The following DYNC1I1 variants were observed in gnomAD, a reference collection of about 807,000 sequenced individuals.
The protein encoded by DYNC1I1 is cytoplasmic dynein 1 intermediate chain 1.
DYNC1I1 carries 43 observed loss-of-function variants against 86.6 expected under a neutral mutation model. The observed-to-expected ratio is 0.50, with a 90% CI of 0.39 to 0.64. The LOEUF is 0.64. Ranked by LOEUF, DYNC1I1 falls within the 30% of genes least tolerant of loss-of-function variation. The pLI is 0.00. For missense variants in DYNC1I1, 604 were observed against 788.8 expected (o/e 0.77, Z 2.81); for synonymous variants, 262 against 283.7 (o/e 0.92, Z 0.77).
intron 6 of DYNC1I1, among the ~76,000 whole-genome samples, chr7:95,889,796 C>A (rs965151838): frequency 9.2e-5 from 14 of 152,170 alleles, no homozygotes; most frequent in Non-Finnish European, 2.1e-4. Flanking sequence ...CATGAATAGA[C>A]ACTTTTCAAA....
intron 1 of DYNC1I1, among the ~76,000 whole-genome samples, chr7:95,778,469 A>T (rs1793902662): frequency 6.6e-6 from 1 of 152,154 alleles, no homozygotes; most frequent in Non-Finnish European, 1.5e-5. Context: ...AGTCAGGCCC[A>T]TTGCCTTTTG....
chr7:96,013,537 A>C (rs752297061), intron 10 of DYNC1I1, among the ~76,000 whole-genome samples: 1 of 152,068 alleles, frequency 6.6e-6, no homozygotes, highest in Non-Finnish European at 1.5e-5. Context: ...CAGCTCACTG[A>C]AGCCTCAACC....
chr7:95,946,007 A>G (rs1304346024), intron 6 of DYNC1I1, among the ~76,000 whole-genome samples: 1 of 152,156 alleles, frequency 6.6e-6, no homozygotes, highest in Non-Finnish European at 1.5e-5. Context: ...TTGCAGGGAC[A>G]TGGATGGAGC....
chr7:95,922,057 C>T (rs558773962), intron 6 of DYNC1I1, among the ~76,000 whole-genome samples: 6 of 152,202 alleles, frequency 3.9e-5, no homozygotes, highest in East Asian at 1.9e-4. Flanking sequence ...CAAGTGCAAT[C>T]AAAGAATTTT....
At chr7:95,966,728 A>C (rs1315534999) in intron 6 of DYNC1I1, among the ~76,000 whole-genome samples, 2 of 152,216 alleles carry the variant, frequency 1.3e-5, no homozygotes, top group Non-Finnish European at 2.9e-5. Flanking sequence ...ACTGATAGAC[A>C]TGAAGGATTC....
intron 1 of DYNC1I1, among the ~76,000 whole-genome samples, chr7:95,799,594 T>C (rs954561879): frequency 2.6e-5 from 4 of 151,834 alleles, no homozygotes; most frequent in African/African-American, 9.7e-5. Flanking sequence ...GAAGTTTTCT[T>C]TTTTTTTACT....
At chr7:95,798,379 G>A (rs963780330) in intron 1 of DYNC1I1, among the ~76,000 whole-genome samples, 8 of 147,256 alleles carry the variant, frequency 5.4e-5, no homozygotes, top group Admixed American at 6.8e-5. Context: ...CACGGTGGTC[G>A]TCTGTATCAT....
At chr7:95,978,802 A>ATT (rs201884666) in intron 7 of DYNC1I1, among the ~76,000 whole-genome samples, 24 of 147,952 alleles carry the variant, frequency 1.6e-4, no homozygotes, top group South Asian at 6.4e-4. Context: ...AAATGGGACA[A>ATT]TTTTTTTTTT....
chr7:96,079,751 A>G (rs1181719147), intron 15 of DYNC1I1, among the ~76,000 whole-genome samples: 1 of 152,114 alleles, frequency 6.6e-6, no homozygotes, highest in African/African-American at 2.4e-5. Flanking sequence ...CAGAGGGAGG[A>G]AGACAGATTT....
chr7:95,777,039 C>CTATAG (rs1793860000), intron 1 of DYNC1I1, among the ~76,000 whole-genome samples: 1 of 152,156 alleles, frequency 6.6e-6, no homozygotes, highest in African/African-American at 2.4e-5. Flanking sequence ...TCTCTTCCTA[C>CTATAG]CATAGCTCAT....
intron 11 of DYNC1I1, 47 bp from the exon 12 acceptor site, chr7:96,032,620 T>A: frequency 1.4e-6 from 2 of 1,435,416 alleles, no homozygotes; most frequent in South Asian, 2.3e-5. Context: ...AATGTAAGCA[T>A]TTCCTCTTGG....
chr7:96,034,019 A>G (rs537022882), intron 12 of DYNC1I1, among the ~76,000 whole-genome samples: 1 of 151,960 alleles, frequency 6.6e-6, no homozygotes, highest in African/African-American at 2.4e-5. Flanking sequence ...CTTGAAAAAA[A>G]TAATTATTAT....
intron 15 of DYNC1I1, among the ~76,000 whole-genome samples, chr7:96,079,781 G>C (rs138048558): frequency 5.1e-4 from 78 of 152,240 alleles, no homozygotes; most frequent in Admixed American, 1.8e-3. Context: ...GAGAGAAAGA[G>C]AGAGAGAGAG....
intron 7 of DYNC1I1, among the ~76,000 whole-genome samples, chr7:95,980,598 A>G (rs1023803718): frequency 7.3e-5 from 10 of 136,764 alleles, no homozygotes; most frequent in Admixed American, 1.6e-4. Context: ...TGAGGGGGAC[A>G]TGGGGAAAAT....
At chr7:95,875,390 C>T (rs1790284063) in intron 6 of DYNC1I1, among the ~76,000 whole-genome samples, 1 of 152,126 alleles carries the variant, frequency 6.6e-6, no homozygotes, top group African/African-American at 2.4e-5. Flanking sequence ...TCAGAGGTGC[C>T]GAGAGAATGC....
At chr7:95,996,742 T>G (rs1332403425) in intron 10 of DYNC1I1, among the ~76,000 whole-genome samples, 1 of 152,248 alleles carries the variant, frequency 6.6e-6, no homozygotes, top group Admixed American at 6.5e-5. Flanking sequence ...TGACTCTGCC[T>G]AAATAATAGG....
At chr7:95,968,007 A>G (rs1793061221) in intron 6 of DYNC1I1, among the ~76,000 whole-genome samples, 1 of 152,210 alleles carries the variant, frequency 6.6e-6, no homozygotes, top group Non-Finnish European at 1.5e-5. Context: ...CAAGGAACTC[A>G]GCTTTTAGTC....
chr7:96,040,745 A>C (rs1205502587), intron 14 of DYNC1I1, among the ~76,000 whole-genome samples: 1 of 149,832 alleles, frequency 6.7e-6, no homozygotes, highest in African/African-American at 2.5e-5. Context: ...TTTTTGAAAC[A>C]TAGTCTCGCT....
At chr7:95,966,555 G>T (rs1793018765) in intron 6 of DYNC1I1, among the ~76,000 whole-genome samples, 1 of 152,154 alleles carries the variant, frequency 6.6e-6, no homozygotes, top group Non-Finnish European at 1.5e-5. Flanking sequence ...CTGTAGAAAT[G>T]GTTTGGGAGT....
Sources: allele counts gnomAD v4.1 joint callset (sites outside exome capture counted in the v4.1 genomes callset), GRCh38; gene constraint gnomAD v4.1.1; transcripts MANE v1.5; gene names NCBI Gene and HGNC (gene_info 2026-07-23, HGNC 2026-07-21).